ROBO2: variants seen among roughly 807,000 people sequenced by gnomAD.
ROBO2 encodes roundabout homolog 2.
A neutral mutation model predicts 160.8 loss-of-function variants in ROBO2; 53 were observed. The observed-to-expected ratio is 0.33, with a 90% CI of 0.26 to 0.41. ROBO2 has a LOEUF of 0.41. ROBO2 is among the 10% of genes least tolerant of loss of function. The pLI, the probability that ROBO2 is intolerant of heterozygous loss-of-function variation, is 1.00. For missense variants in ROBO2, 1,577 were observed against 1,722.4 expected (o/e 0.92, Z 1.49); for synonymous variants, 664 against 611.7 (o/e 1.09, Z -1.26).
chr3:76,750,856 A>C (rs1456590183), intron 2 of ROBO2, among the ~76,000 whole-genome samples: 1 of 152,136 alleles, frequency 6.6e-6, no homozygotes, highest in African/African-American at 2.4e-5. Context: ...ATATCGTGAA[A>C]ATGGCCATAC....
Position 76,495,191 on chromosome 3 carries a change from G to A in ROBO2, c.109+557589G>A, listed in dbSNP as rs145771184. 4.8e-3 allele frequency among the ~76,000 whole-genome samples: 715 copies of A among 148,684 alleles called. 7 individuals carry two copies. The highest frequency in any genetic ancestry group is 0.017 in the African/African-American group (688 of 40,374). On this transcript the variant is annotated intron_variant, in intron 2 of 26. Transcript: ENST00000487694. ...CATTAATTTTTACAAATTTAATAGT[G>A]CTTTGTATTTATCTTCATTTCCTTT...
chr3:77,442,689 G>A (rs1376756878), intron 2 of ROBO2, among the ~76,000 whole-genome samples: 1 of 152,116 alleles, frequency 6.6e-6, no homozygotes, highest in East Asian at 1.9e-4. Context: ...ATGACCCTAA[G>A]TATTGAGTAC....
intron 2 of ROBO2, among the ~76,000 whole-genome samples, chr3:76,083,957 C>T (rs1357532874): frequency 6.6e-6 from 1 of 152,002 alleles, no homozygotes; most frequent in African/African-American, 2.4e-5. Context: ...CAACTTATGC[C>T]TGGGAAATGG....
At chr3:76,206,148 C>G (rs189150068) in intron 2 of ROBO2, among the ~76,000 whole-genome samples, 21 of 75,716 alleles carry the variant, frequency 2.8e-4, no homozygotes, top group African/African-American at 8.4e-4. Context: ...ACCTGCAGCC[C>G]GCTAAAGCAC....
chr3:76,356,438 A>G (rs996636582), intron 2 of ROBO2, among the ~76,000 whole-genome samples: 3 of 151,728 alleles, frequency 2.0e-5, no homozygotes, highest in African/African-American at 7.2e-5. Context: ...GAATTCAACT[A>G]TAAATATATA....
chr3:75,954,265 A>T (rs1447847953), intron 2 of ROBO2, among the ~76,000 whole-genome samples: 1 of 151,558 alleles, frequency 6.6e-6, no homozygotes, highest in Non-Finnish European at 1.5e-5. Context: ...CAGTCCTACC[A>T]CTCTCAAGGA....
At chr3:76,057,536 A>T (rs1246535825) in intron 2 of ROBO2, among the ~76,000 whole-genome samples, 1 of 152,156 alleles carries the variant, frequency 6.6e-6, no homozygotes, top group East Asian at 1.9e-4. Flanking sequence ...ACACTTCTGC[A>T]TTCGGAATTA....
chr3:76,792,155 G>A (rs571795100), intron 2 of ROBO2, among the ~76,000 whole-genome samples: 4 of 151,988 alleles, frequency 2.6e-5, no homozygotes, highest in African/African-American at 9.6e-5. Flanking sequence ...TGTAGGATAT[G>A]AATAGCTGAA....
Position 76,042,897 on chromosome 3 carries a change from C to T in ROBO2, c.109+105295C>T, listed in dbSNP as rs201747534. On this transcript the variant is annotated intron_variant, in intron 2 of 26. Transcript: ENST00000487694. ...TGTGAAATCTTCAGTGTTGTGAGCC[C>T]TTAAAAGGGACAGAAATTGTGCACT... Among the ~76,000 whole-genome samples the T allele has an allele frequency of 1.2e-4, 18 of 152,086 alleles. No homozygotes were observed. The East Asian group carries it at 3.5e-3, about 29-fold the overall frequency.
At chr3:76,276,507 C>A (rs1707931347) in intron 2 of ROBO2, among the ~76,000 whole-genome samples, 1 of 151,912 alleles carries the variant, frequency 6.6e-6, no homozygotes, top group African/African-American at 2.4e-5. Context: ...TTCTTTTGCA[C>A]AAATTATAAC....
At chr3:76,063,814 G>A (rs766838594) in intron 2 of ROBO2, among the ~76,000 whole-genome samples, 7 of 152,158 alleles carry the variant, frequency 4.6e-5, no homozygotes, top group African/African-American at 7.2e-5. Context: ...CTACCTTTAA[G>A]TGGAATTGGT....
Position 76,114,015 on chromosome 3 carries a change from C to T in ROBO2, c.109+176413C>T, listed in dbSNP as rs1217979473. Among the ~76,000 whole-genome samples the T allele has an allele frequency of 4.6e-5, 7 of 152,274 alleles. No homozygotes were observed. In the East Asian group the frequency reaches 7.7e-4, roughly 17 times the overall value. ...AAGCTTCCTGAGGCCTCACCAGAGC[C>T]GAGCAGATGCTGGTACCATGCTGGT... On this transcript the variant is annotated intron_variant, in intron 2 of 26. Transcript: ENST00000487694.
intron 2 of ROBO2, among the ~76,000 whole-genome samples, chr3:77,184,011 A>G (rs2081050796): frequency 6.6e-6 from 1 of 150,764 alleles, no homozygotes; most frequent in Admixed American, 6.6e-5. Context: ...GATCCTGGAC[A>G]TCATTAGATA....
At chr3:77,324,820 A>G (rs942393540) in intron 2 of ROBO2, among the ~76,000 whole-genome samples, 1 of 151,330 alleles carries the variant, frequency 6.6e-6, no homozygotes, top group Admixed American at 6.6e-5. Flanking sequence ...CATACTTTAC[A>G]GGGATAGCAA....
chr3:77,547,205 T>C (rs759816539), intron 7 of ROBO2, among the ~76,000 whole-genome samples: 1 of 152,064 alleles, frequency 6.6e-6, no homozygotes, highest in African/African-American at 2.4e-5. Flanking sequence ...AGCCTCTAGG[T>C]TCGTAGTCAA....
chr3:76,244,449 T>C (rs192158073), intron 2 of ROBO2, among the ~76,000 whole-genome samples: 29 of 152,324 alleles, frequency 1.9e-4, no homozygotes, highest in African/African-American at 7.0e-4. Context: ...TTGGATTATA[T>C]GGTAGAAACC....
chr3:77,647,522 T>G (rs1583501058), exon 26 of ROBO2: 1 of 152,160 alleles, frequency 6.6e-6, no homozygotes, highest in African/African-American at 2.4e-5. Flanking sequence ...ATAATTGTCC[T>G]GCCTCATTTG....
At chr3:76,370,723 A>G (rs2076059509) in intron 2 of ROBO2, among the ~76,000 whole-genome samples, 1 of 151,962 alleles carries the variant, frequency 6.6e-6, no homozygotes, top group Non-Finnish European at 1.5e-5. Context: ...ATTGCACCAA[A>G]GGCATACTTT....
intron 2 of ROBO2, among the ~76,000 whole-genome samples, chr3:76,386,689 A>G (rs534225907): frequency 1.8e-4 from 27 of 152,226 alleles, no homozygotes; most frequent in Non-Finnish European, 3.4e-4. Context: ...TACGGTATCA[A>G]AAAAGGGAGT....
Sources: gnomAD v4.1 joint callset for allele counts (sites outside exome capture counted in the v4.1 genomes callset) on GRCh38, gnomAD v4.1.1 for gene constraint, MANE v1.5 for transcripts, NCBI Gene and HGNC (gene_info 2026-07-23, HGNC 2026-07-21) for gene names.